Variants in TOLLIP observed in about 807,000 individuals in gnomAD.
TOLLIP encodes toll-interacting protein.
TOLLIP carries 16 observed loss-of-function variants against 33.5 expected under a neutral mutation model. The ratio of observed to expected loss-of-function variants is 0.48; its 90% confidence interval spans 0.32 to 0.72. The LOEUF (loss-of-function observed/expected upper bound fraction) is 0.72, where lower values mean the gene tolerates loss of function less well. Ranked by LOEUF, TOLLIP falls within the 30% of genes least tolerant of loss-of-function variation. The pLI is 0.03. For missense variants in TOLLIP, 325 were observed against 396.6 expected (o/e 0.82, Z 1.53); for synonymous variants, 176 against 163.7 (o/e 1.07, Z -0.57).
Position 1,295,646 on chromosome 11 carries a change from T to C in TOLLIP, c.182A>G (p.Gln61Arg). 6.4e-7 allele frequency: 1 copy of C among 1,560,906 alleles called. No individual in the cohort carries two copies. The highest frequency in any genetic ancestry group is 1.2e-5 in the South Asian group (1 of 86,530). ...GCAGGAGGGTGCCCCAAGGCCCACCTGTACCACCGTGATGTTCAGTCGGCC... is the reference window on the plus strand; with the variant it reads ...GCAGGAGGGTGCCCCAAGGCCCACCCGTACCACCGTGATGTTCAGTCGGCC... ...TVGRLNITVV[Q>R]AKLAKNYGMT... is the part of the protein sequence containing the mutation. Residue 61 changes from glutamine (Q) to arginine (R), a missense_variant and splice_region_variant, in exon 2 of 6, where the codon CAG (glutamine) becomes CGG (arginine). Gln to Arg is a conservative substitution (Grantham distance 43). Transcript: ENST00000317204.
intron 4 of TOLLIP, among the ~76,000 whole-genome samples, 181 bp downstream of exon 4, chr11:1,288,443 C>T (rs1158283287): frequency 6.6e-6 from 1 of 152,240 alleles, no homozygotes; most frequent in Non-Finnish European, 1.5e-5. Context: ...GTGGGCAGGG[C>T]AGCCCCTCTC....
chr11:1,289,182 G>A (rs772450266), intron 3 of TOLLIP, among the ~76,000 whole-genome samples: 11 of 152,192 alleles, frequency 7.2e-5, no homozygotes, highest in South Asian at 2.1e-4. Context: ...GAAAGGACAC[G>A]GGGTCTGCCT....
At chr11:1,295,967 C>T (rs552100447) in intron 1 of TOLLIP, among the ~76,000 whole-genome samples, 173 bp from the exon 2 acceptor site, 2 of 152,342 alleles carry the variant, frequency 1.3e-5, no homozygotes, top group Non-Finnish European at 2.9e-5. Context: ...CAAGGGTGTC[C>T]AGCCTGGGGC....
At chr11:1,292,784 C>T (rs921588733) in intron 2 of TOLLIP, among the ~76,000 whole-genome samples, 1 of 152,236 alleles carries the variant, frequency 6.6e-6, no homozygotes, top group Admixed American at 6.5e-5. Context: ...GCAAGAGATG[C>T]GCGGCAGACA....
Position 1,276,661 on chromosome 11 carries a change from A to G in TOLLIP, c.*378T>C, listed in dbSNP as rs1381788891. The G allele has an allele frequency of 3.0e-6, 4 of 1,338,442 alleles. No homozygotes were observed. In the East Asian group the frequency reaches 1.4e-4, roughly 46 times the overall value. The allele number at this position is 1,338,442 out of a possible 1,614,324, so 82.9% of individuals were successfully genotyped here. ...AAATCAACAGCTCTATTCCAATTAC[A>G]TCACATCACAAAATGCCATGAATGG... On this transcript the variant is annotated 3_prime_UTR_variant, in exon 6 of 6. Coordinates refer to ENST00000317204, the MANE Select transcript of TOLLIP (RefSeq NM_019009.4).
At chr11:1,309,300 G>A (rs1231410165) in intron 1 of TOLLIP, among the ~76,000 whole-genome samples, 166 bp downstream of exon 1, 2 of 150,546 alleles carry the variant, frequency 1.3e-5, no homozygotes, top group Non-Finnish European at 1.5e-5. Context: ...GCCCCGCCCC[G>A]AGGTGTGGAC....
intron 2 of TOLLIP, among the ~76,000 whole-genome samples, chr11:1,295,021 C>T (rs1176735757): frequency 6.5e-5 from 8 of 123,586 alleles, no homozygotes; most frequent in Admixed American, 2.6e-4. Flanking sequence ...TGTCTCCTTT[C>T]CCTGCATTTC....
intron 1 of TOLLIP, among the ~76,000 whole-genome samples, chr11:1,299,277 C>G (rs1864198057): frequency 6.6e-6 from 1 of 152,224 alleles, no homozygotes; most frequent in South Asian, 2.1e-4. Flanking sequence ...CGTACAAATA[C>G]TGGTTACGCA....
chr11:1,293,668 C>T (rs542981238), intron 2 of TOLLIP, among the ~76,000 whole-genome samples: 4 of 152,348 alleles, frequency 2.6e-5, no homozygotes, highest in South Asian at 2.1e-4. Context: ...CTCCAGGGTG[C>T]GGGAGAGGAC....
intron 5 of TOLLIP, among the ~76,000 whole-genome samples, chr11:1,283,815 C>T (rs1863585901): frequency 6.6e-6 from 1 of 152,192 alleles, no homozygotes; most frequent in African/African-American, 2.4e-5. Flanking sequence ...CCACAGAGCG[C>T]CCGGCCCAGA....
In TOLLIP at chr11:1,303,586, T is replaced by A. The variant is rs1864345784; in HGVS notation, c.33+5880A>T. 6.6e-6 allele frequency among the ~76,000 whole-genome samples: 1 copy of A among 152,202 alleles called. No homozygotes were observed. The highest frequency in any genetic ancestry group is 1.5e-5 in the Non-Finnish European group (1 of 68,034). On this transcript the variant is annotated intron_variant, in intron 1 of 5. Transcript: ENST00000317204. The surrounding 1 kb of genome is among the most constrained non-coding windows in gnomAD (Gnocchi z 4.2). ...GCCGGGTGGCAGGGGCACGCTGCAC[T>A]TCCCACAGGGCAGCAAGGCAGGCCT... is the stretch of plus-strand genomic sequence containing the variant.
In TOLLIP at chr11:1,290,117, A is replaced by G; in HGVS notation, c.366+110T>C. 2 of 1,086,856 alleles carry G rather than the reference A, an allele frequency of 1.8e-6. No individual in the cohort carries two copies. The highest frequency in any genetic ancestry group is 5.2e-5 in the East Asian group (2 of 38,796). The allele number at this position is 1,086,856 out of a possible 1,614,324, so 67.3% of individuals were successfully genotyped here. A position where few individuals can be genotyped will look rare whatever the true frequency, so the allele number is the denominator to read the frequency against. ...GCACCCAATGAAACACCAGGTGGGG[A>G]GCCACGCCTCGAAGCCAGCCAGGAA... On this transcript the variant is annotated intron_variant, in intron 3 of 5. Transcript: ENST00000317204. This position sits in a 1 kb window ranked among gnomAD's most constrained non-coding sequence, Gnocchi z 4.9.
intron 2 of TOLLIP, among the ~76,000 whole-genome samples, chr11:1,293,001 G>A (rs538964345): frequency 3.9e-5 from 6 of 152,314 alleles, no homozygotes; most frequent in South Asian, 4.1e-4. Flanking sequence ...AGGCCCACGC[G>A]GGAACGGACC....
rs187565737 is a variant in TOLLIP, at chr11:1,274,414, A to G, written c.*2625T>C. ...ACTTTATTTCTCTATTTTTATATGGATCATTTATTAAATTAGAAGACTAAA... is the reference window on the plus strand; with the variant it reads ...ACTTTATTTCTCTATTTTTATATGGGTCATTTATTAAATTAGAAGACTAAA... On this transcript the variant is annotated 3_prime_UTR_variant, in exon 6 of 6. Coordinates refer to ENST00000317204, the MANE Select transcript of TOLLIP (RefSeq NM_019009.4). 309 of 152,358 alleles carry G rather than the reference A, an allele frequency of 2.0e-3. 1 individual carries two copies. The highest frequency in any genetic ancestry group is 6.9e-3 in the African/African-American group (287 of 41,580). 9.4% of individuals were successfully genotyped at this position (152,358 alleles called of 1,614,324 possible). A position where few individuals can be genotyped will look rare whatever the true frequency, so the allele number is the denominator to read the frequency against.
At chr11:1,304,749 C>G (rs1301552547) in intron 1 of TOLLIP, among the ~76,000 whole-genome samples, 1 of 152,120 alleles carries the variant, frequency 6.6e-6, no homozygotes, top group African/African-American at 2.4e-5. Flanking sequence ...TGAGATAAAA[C>G]AACTGAATTT....
Position 1,277,080 on chromosome 11 carries a change from C to T in TOLLIP, c.784G>A (p.Ala262Thr). 3 of 1,614,088 alleles carry T rather than the reference C, an allele frequency of 1.9e-6. No homozygotes were observed. The highest frequency in any genetic ancestry group is 1.1e-5 in the South Asian group (1 of 91,090). The change falls in exon 6 of 6, where the codon GCC becomes ACC. Residue 262 changes from alanine (A) to threonine (T), a missense_variant. Coordinates refer to ENST00000317204, the MANE Select transcript of TOLLIP (RefSeq NM_019009.4). This position sits in a 1 kb window ranked among gnomAD's most constrained non-coding sequence, Gnocchi z 4.2. Reference sequence around the variant, plus strand: ...ATCTGCAGCAGGGAGTTGATGGCGGCATCCTTGTTCCCTCGCTGGGCTTCC... The same window carrying T: ...ATCTGCAGCAGGGAGTTGATGGCGGTATCCTTGTTCCCTCGCTGGGCTTCC... ...VLEAQRGNKD[A>T]AINSLLQMGE...
chr11:1,290,757 G>A lies in TOLLIP; in HGVS notation c.184-348C>T, dbSNP rs1039696342. 6.6e-6 allele frequency among the ~76,000 whole-genome samples: 1 copy of A among 152,098 alleles called. No individual in the cohort carries two copies. The highest frequency in any genetic ancestry group is 2.4e-5 in the African/African-American group (1 of 41,412). On this transcript the variant is annotated intron_variant, in intron 2 of 5. Transcript: ENST00000317204. This position sits in a 1 kb window ranked among gnomAD's most constrained non-coding sequence, Gnocchi z 4.9. ...GTGGCTGAGGAGGGAAAGAGGAGGA[G>A]GTCCCGGGACAGAGCTGAGAGCCAG...
intron 2 of TOLLIP, among the ~76,000 whole-genome samples, chr11:1,293,219 C>T (rs566945803): frequency 3.9e-5 from 6 of 152,166 alleles, no homozygotes; most frequent in African/African-American, 1.2e-4. Context: ...GGGGAGAAGC[C>T]GGGAGGGTGG....
rs1029472074 is a variant in TOLLIP, at chr11:1,303,004, C to A, written c.33+6462G>T. ...AACACAACAGGCGCTTCAAAGCCAA[C>A]ATGCCGGGAGGTTCCCTGGCTCTGC... On this transcript the variant is annotated intron_variant, in intron 1 of 5. Coordinates refer to ENST00000317204, the MANE Select transcript of TOLLIP (RefSeq NM_019009.4). The surrounding 1 kb of genome is among the most constrained non-coding windows in gnomAD (Gnocchi z 4.2). Among the ~76,000 whole-genome samples, 15 of 152,226 alleles carry A rather than the reference C, an allele frequency of 9.9e-5. No individual in the cohort carries two copies. The highest frequency in any genetic ancestry group is 9.2e-4 in the Admixed American group (14 of 15,290).
Sources: gnomAD v4.1 joint callset for allele counts (sites outside exome capture counted in the v4.1 genomes callset) on GRCh38, gnomAD v4.1.1 for gene constraint, Gnocchi (gnomAD v3.1) non-coding constraint, MANE v1.5 for transcripts, NCBI Gene and HGNC (gene_info 2026-07-23, HGNC 2026-07-21) for gene names.